The following AKR1C8 variants were observed in gnomAD, a reference collection of about 807,000 sequenced individuals.
AKR1C8 encodes the protein aldo-keto reductase family 1 member C-like protein 1.
chr10:5,138,419 C>T, the AKR1C8 span, among the ~76,000 whole-genome samples: 5 of 151,916 alleles, frequency 3.3e-5, no homozygotes, highest in African/African-American at 1.2e-4. Context: ...TTTGCCTGAC[C>T]CTGCAGGCAG....
At chr10:5,122,134 T>C in the AKR1C8 span, 1 of 399,258 alleles carries the variant, frequency 2.5e-6, no homozygotes, top group Non-Finnish European at 5.2e-6. Flanking sequence ...TCAATGGCTT[T>C]CATGTCCTCT....
the AKR1C8 span, among the ~76,000 whole-genome samples, chr10:5,142,410 G>A: frequency 6.6e-6 from 1 of 152,036 alleles, no homozygotes; most frequent in South Asian, 2.1e-4. Context: ...TTCACAACTT[G>A]GCTAATAATT....
At chr10:5,178,167 C>G in the AKR1C8 span, among the ~76,000 whole-genome samples, 1 of 152,174 alleles carries the variant, frequency 6.6e-6, no homozygotes, top group Non-Finnish European at 1.5e-5. Context: ...CCCAGAGATT[C>G]TGGTATGTTG....
the AKR1C8 span, among the ~76,000 whole-genome samples, chr10:5,164,534 G>T: frequency 6.6e-6 from 1 of 151,996 alleles, no homozygotes; most frequent in Non-Finnish European, 1.5e-5. Flanking sequence ...GGAGCCAACC[G>T]TCAAACTCTT....
the AKR1C8 span, chr10:5,184,975 T>G: frequency 1.9e-6 from 1 of 533,464 alleles, no homozygotes; most frequent in East Asian, 5.5e-5. Flanking sequence ...CAAGTACAGC[T>G]GACCTAAGAA....
At chr10:5,156,554 A>ATCTATCTATCTATCTT in the AKR1C8 span, among the ~76,000 whole-genome samples, 804 of 151,862 alleles carry the variant, frequency 5.3e-3, 6 homozygotes, top group East Asian at 0.023. Flanking sequence ...CTATCTATCT[A>ATCTATCTATCTATCTT]ATGTATTTAT....
the AKR1C8 span, among the ~76,000 whole-genome samples, chr10:5,136,785 T>G: frequency 1.3e-5 from 2 of 152,098 alleles, no homozygotes; most frequent in Non-Finnish European, 2.9e-5. Context: ...AGTGTGAACA[T>G]GAAGGACAAC....
chr10:5,141,364 T>G, the AKR1C8 span, among the ~76,000 whole-genome samples: 1 of 152,144 alleles, frequency 6.6e-6, no homozygotes, highest in Non-Finnish European at 1.5e-5. Context: ...AAATCATCCA[T>G]GAGAGTTGTA....
At chr10:5,150,936 C>T in the AKR1C8 span, among the ~76,000 whole-genome samples, 1 of 152,096 alleles carries the variant, frequency 6.6e-6, no homozygotes, top group Non-Finnish European at 1.5e-5. Context: ...TATAGAAGAA[C>T]AGAGTTTTAT....
chr10:5,179,743 T>C, the AKR1C8 span, among the ~76,000 whole-genome samples: 40 of 152,282 alleles, frequency 2.6e-4, no homozygotes, highest in African/African-American at 7.5e-4. Flanking sequence ...ATCACTGATA[T>C]CCTTTCTTCC....
the AKR1C8 span, among the ~76,000 whole-genome samples, chr10:5,177,307 C>T: frequency 1.3e-5 from 2 of 152,016 alleles, no homozygotes; most frequent in Non-Finnish European, 2.9e-5. Context: ...TTGAACCAGC[C>T]TTGCATCCCA....
chr10:5,166,188 G>C, the AKR1C8 span, among the ~76,000 whole-genome samples: 1 of 151,638 alleles, frequency 6.6e-6, no homozygotes, highest in African/African-American at 2.4e-5. Flanking sequence ...CCGAGACTCT[G>C]AAGAAAAAAA....
the AKR1C8 span, among the ~76,000 whole-genome samples, chr10:5,173,165 G>C: frequency 6.6e-6 from 1 of 152,088 alleles, no homozygotes; most frequent in African/African-American, 2.4e-5. Flanking sequence ...CATGCACTAA[G>C]AGTGGCAAGA....
the AKR1C8 span, among the ~76,000 whole-genome samples, chr10:5,147,808 A>G: frequency 2.0e-5 from 3 of 152,160 alleles, no homozygotes; most frequent in African/African-American, 7.2e-5. Context: ...CAAGCTGCCA[A>G]AGGGTCTGTG....
chr10:5,156,686 G>T, the AKR1C8 span, among the ~76,000 whole-genome samples: 2 of 152,130 alleles, frequency 1.3e-5, no homozygotes, highest in Non-Finnish European at 2.9e-5. Context: ...TTAACATTTT[G>T]AATTGGATCA....
At chr10:5,125,898 G>A in the AKR1C8 span, among the ~76,000 whole-genome samples, 2 of 152,178 alleles carry the variant, frequency 1.3e-5, no homozygotes, top group African/African-American at 4.8e-5. Context: ...AGACCCAGAA[G>A]AGCAATAGCA....
the AKR1C8 span, among the ~76,000 whole-genome samples, chr10:5,179,577 C>T: frequency 6.6e-6 from 1 of 150,632 alleles, no homozygotes; most frequent in Non-Finnish European, 1.5e-5. Flanking sequence ...AGAGGGTTTT[C>T]CAACTTGGTT....
the AKR1C8 span, among the ~76,000 whole-genome samples, chr10:5,135,706 A>G: frequency 2.0e-5 from 3 of 152,044 alleles, no homozygotes; most frequent in African/African-American, 7.2e-5. Context: ...ATGATGTTTC[A>G]TCTTTATTTT....
chr10:5,177,798 T>G, the AKR1C8 span, among the ~76,000 whole-genome samples: 3 of 152,190 alleles, frequency 2.0e-5, no homozygotes, highest in Non-Finnish European at 2.9e-5. Context: ...TGATGGTAGT[T>G]TGTATTTCTG....
Sources: allele counts gnomAD v4.1 joint callset (sites outside exome capture counted in the v4.1 genomes callset), GRCh38; gene constraint gnomAD v4.1.1; transcripts MANE v1.5; gene names NCBI Gene and HGNC (gene_info 2026-07-23, HGNC 2026-07-21).